TRPV4: variants seen among roughly 807,000 people sequenced by gnomAD.
The protein encoded by TRPV4 is OSM9-like transient receptor potential channel 4.
In TRPV4, 58 loss-of-function variants were observed where a neutral mutation model predicts 84.1. The ratio of observed to expected loss-of-function variants is 0.69; its 90% CI spans 0.56 to 0.86. The LOEUF (loss-of-function observed/expected upper bound fraction) is 0.86, where lower values mean the gene tolerates loss of function less well. Ranked by LOEUF, TRPV4 falls within the 40% of genes least tolerant of loss-of-function variation. The probability of loss-of-function intolerance (pLI) is 0.00; values close to 1 mark genes in which losing one functional copy is unlikely to be tolerated. For missense variants in TRPV4, 879 were observed against 1,181.1 expected (o/e 0.74, Z 3.75); for synonymous variants, 489 against 500.9 (o/e 0.98, Z 0.32).
intron 2 of TRPV4, among the ~76,000 whole-genome samples, chr12:109,812,980 AATGG>A (rs761607096): frequency 1.2e-4 from 19 of 152,162 alleles, no homozygotes; most frequent in African/African-American, 2.9e-4. Flanking sequence ...TAGATGGATA[AATGG>A]ATGGATGGAT....
intron 1 of TRPV4, among the ~76,000 whole-genome samples, chr12:109,824,892 C>T (rs537185540): frequency 2.6e-4 from 39 of 152,292 alleles, no homozygotes; most frequent in African/African-American, 9.1e-4. Flanking sequence ...ATCTCATCTG[C>T]CACTCACTGG....
At chr12:109,823,428 C>A (rs1035705646) in intron 1 of TRPV4, among the ~76,000 whole-genome samples, 23 of 152,220 alleles carry the variant, frequency 1.5e-4, no homozygotes, top group African/African-American at 5.3e-4. Context: ...GGCCGGCTGA[C>A]AGCACACACA....
chr12:109,831,762 G>C (rs1892415798), intron 1 of TRPV4, among the ~76,000 whole-genome samples: 1 of 152,280 alleles, frequency 6.6e-6, no homozygotes, highest in South Asian at 2.1e-4. Flanking sequence ...TTTTTGTTCA[G>C]GCAACCATTC....
At chr12:109,809,913 A>G (rs1457364280) in intron 2 of TRPV4, among the ~76,000 whole-genome samples, 1 of 152,252 alleles carries the variant, frequency 6.6e-6, no homozygotes, top group Non-Finnish European at 1.5e-5. Context: ...ATGGCCCACC[A>G]CACGGTAAAC....
chr12:109,793,662 A>G lies in TRPV4; in HGVS notation c.1585-62T>C. On this transcript the variant is annotated intron_variant, in intron 9 of 15. Transcript: ENST00000261740. The surrounding 1 kb of genome is among the most constrained non-coding windows in gnomAD (Gnocchi z 4.0). Reference sequence around the variant, plus strand: ...CCAGCAGGAGAGGAGAGGAGGAGAGAGGAGACAGAGAAAGGGATAGAAGAG... The same window carrying G: ...CCAGCAGGAGAGGAGAGGAGGAGAGGGGAGACAGAGAAAGGGATAGAAGAG... The G allele has an allele frequency of 1.5e-6, 2 of 1,372,922 alleles. No homozygotes were observed. The highest frequency in any genetic ancestry group is 2.3e-5 in the South Asian group (2 of 86,048). The allele number at this position is 1,372,922 out of a possible 1,614,324, so 85.0% of individuals were successfully genotyped here.
intron 12 of TRPV4, among the ~76,000 whole-genome samples, chr12:109,790,129 T>G (rs2136451396): frequency 6.6e-6 from 1 of 152,348 alleles, no homozygotes; most frequent in South Asian, 2.1e-4. Context: ...AGCTGTACCC[T>G]GTCCCTATCT....
chr12:109,786,842 G>C lies in TRPV4; in HGVS notation c.2209-5C>G. ...GTCCAGGATGGTGGTGGCCCACTGCGGGGAGGGAGGGTCAGGAGGGACATC... is the reference window on the plus strand; with the variant it reads ...GTCCAGGATGGTGGTGGCCCACTGCCGGGAGGGAGGGTCAGGAGGGACATC... On this transcript the variant is annotated splice_region_variant and splice_polypyrimidine_tract_variant and intron_variant, in intron 13 of 15. Transcript: ENST00000261740. The surrounding 1 kb of genome is among the most constrained non-coding windows in gnomAD (Gnocchi z 4.5). 6.2e-7 allele frequency: 1 copy of C among 1,613,810 alleles called. No homozygotes were observed. Among genetic ancestry groups the C allele is most frequent in the South Asian group, 1.1e-5 (1 of 91,086 alleles).
chr12:109,801,757 G>A (rs1290113793), intron 4 of TRPV4, among the ~76,000 whole-genome samples: 1 of 152,044 alleles, frequency 6.6e-6, no homozygotes, highest in East Asian at 1.9e-4. Flanking sequence ...TTGAGCCCAG[G>A]AAGTCAAGGC....
intron 2 of TRPV4, among the ~76,000 whole-genome samples, chr12:109,813,107 T>C (rs138346389): frequency 6.6e-6 from 1 of 151,916 alleles, no homozygotes; most frequent in Admixed American, 6.6e-5. Flanking sequence ...TACGTGGATA[T>C]GTAGGTGAAT....
intron 10 of TRPV4, 89 bp from the exon 11 acceptor site, chr12:109,792,906 G>A: frequency 7.0e-7 from 1 of 1,419,680 alleles, no homozygotes; most frequent in Non-Finnish European, 9.8e-7. Context: ...AAGCCCTCCA[G>A]GGTATCAGGA....
Position 109,814,943 on chromosome 12 carries a change from T to A in TRPV4, c.-31-116A>T. 1.9e-6 allele frequency: 2 copies of A among 1,026,340 alleles called. No homozygotes were observed. Among genetic ancestry groups the A allele is most frequent in the Non-Finnish European group, 2.8e-6 (2 of 710,638 alleles). 63.6% of individuals were successfully genotyped at this position (1,026,340 alleles called of 1,614,324 possible). A position where few individuals can be genotyped will look rare whatever the true frequency, so the allele number is the denominator to read the frequency against. On this transcript the variant is annotated intron_variant, in intron 1 of 15. Coordinates refer to ENST00000261740, the MANE Select transcript of TRPV4 (RefSeq NM_021625.5). This position sits in a 1 kb window ranked among gnomAD's most constrained non-coding sequence, Gnocchi z 5.4. The stretch of plus-strand genomic sequence containing the variant: ...GCCAGCTGCTTCAAAGCCACCGTTG[T>A]AATGACAGGGGCACAGGGAGGCCAC...
At position 109,783,895 on chromosome 12, in the gene TRPV4, A is replaced by G. The variant is rs973169529; in HGVS notation, c.2459-117T>C. 40 of 1,266,214 alleles carry G rather than the reference A, an allele frequency of 3.2e-5. No individual in the cohort carries two copies. The highest frequency in any genetic ancestry group is 4.4e-5 in the Non-Finnish European group (40 of 908,256). 78.4% of individuals were successfully genotyped at this position (1,266,214 alleles called of 1,614,324 possible). A position where few individuals can be genotyped will look rare whatever the true frequency, so the allele number is the denominator to read the frequency against. On this transcript the variant is annotated intron_variant, in intron 15 of 15. Coordinates refer to ENST00000261740, the MANE Select transcript of TRPV4 (RefSeq NM_021625.5). This position sits in a 1 kb window ranked among gnomAD's most constrained non-coding sequence, Gnocchi z 4.6. ...AGTGTTCTGAAGGGGGGATGTGACT[A>G]TGCTCATTTTACAGAGGTGGAAACT...
chr12:109,791,031 A>G (rs918140162), intron 12 of TRPV4, among the ~76,000 whole-genome samples: 1 of 152,226 alleles, frequency 6.6e-6, no homozygotes, highest in Non-Finnish European at 1.5e-5. Context: ...GCCTGTAGGG[A>G]TCAGCCAAAC....
In TRPV4 at chr12:109,814,300, G is replaced by T; in HGVS notation, c.386+111C>A. On this transcript the variant is annotated intron_variant, in intron 2 of 15. Coordinates refer to ENST00000261740, the MANE Select transcript of TRPV4 (RefSeq NM_021625.5). This position sits in a 1 kb window ranked among gnomAD's most constrained non-coding sequence, Gnocchi z 5.4. ...GTATGGATGGTTGGATGGACAGATG[G>T]ATGGATGGATGAATCGACGGATGGG... is the stretch of plus-strand genomic sequence containing the variant. 8.1e-7 allele frequency: 1 copy of T among 1,240,910 alleles called. No homozygotes were observed. Among genetic ancestry groups the T allele is most frequent in the Non-Finnish European group, 1.1e-6 (1 of 872,416 alleles). 76.9% of individuals were successfully genotyped at this position (1,240,910 alleles called of 1,614,324 possible). A position where few individuals can be genotyped will look rare whatever the true frequency, so the allele number is the denominator to read the frequency against.
In TRPV4 at chr12:109,784,312, T is replaced by G. The variant is rs2136416943; in HGVS notation, c.2458+4A>C. On this transcript the variant is annotated splice_donor_region_variant and intron_variant, in intron 15 of 15. Transcript: ENST00000261740. ...CTCCCCTCCGCACCCGCCCCTCCAC[T>G]CACCCCTGCGGAGGCGGCCCACGGT... is the stretch of plus-strand genomic sequence containing the variant. 1.2e-6 allele frequency: 2 copies of G among 1,614,088 alleles called. No individual in the cohort carries two copies. Among genetic ancestry groups the G allele is most frequent in the Non-Finnish European group, 1.7e-6 (2 of 1,179,986 alleles).
In TRPV4 at chr12:109,798,313, C is replaced by G. The variant is rs972714165; in HGVS notation, c.1152+301G>C. Among the ~76,000 whole-genome samples the G allele has an allele frequency of 6.6e-6, 1 of 152,176 alleles. No homozygotes were observed. The highest frequency in any genetic ancestry group is 2.4e-5 in the African/African-American group (1 of 41,432). ...TTCAACAGGTTTGAGGCTGGGAGCA[C>G]CGCTGGGCTAGGGCCCGGGGACTCA... On this transcript the variant is annotated intron_variant, in intron 6 of 15. Coordinates refer to ENST00000261740, the MANE Select transcript of TRPV4 (RefSeq NM_021625.5). The surrounding 1 kb of genome is among the most constrained non-coding windows in gnomAD (Gnocchi z 5.0).
At position 109,793,386 on chromosome 12, in the gene TRPV4, T is replaced by C; in HGVS notation, c.1658+141A>G. On this transcript the variant is annotated intron_variant, in intron 10 of 15. Transcript: ENST00000261740. The surrounding 1 kb of genome is among the most constrained non-coding windows in gnomAD (Gnocchi z 4.0). ...CAGAAGACCCTATTGTTTGTGGCTT[T>C]GTCCTGACTTTGGGTTAGAGCTGCC... The C allele has an allele frequency of 2.6e-6, 2 of 769,596 alleles. No homozygotes were observed. The highest frequency in any genetic ancestry group is 4.7e-6 in the Non-Finnish European group (2 of 423,756). 47.7% of individuals were successfully genotyped at this position (769,596 alleles called of 1,614,324 possible). A position where few individuals can be genotyped will look rare whatever the true frequency, so the allele number is the denominator to read the frequency against.
intron 1 of TRPV4, among the ~76,000 whole-genome samples, chr12:109,830,602 A>G (rs1892383941): frequency 6.6e-6 from 1 of 152,182 alleles, no homozygotes. Flanking sequence ...AATAAATGTT[A>G]TCTTGGCTCC....
chr12:109,832,688 A>C (rs1892444630), intron 1 of TRPV4: 1 of 153,222 alleles, frequency 6.5e-6, no homozygotes, highest in African/African-American at 2.4e-5. Context: ...GACAGAGGGA[A>C]CAGCTGGGGC....
Sources: gnomAD v4.1 joint callset for allele counts (sites outside exome capture counted in the v4.1 genomes callset) on GRCh38, gnomAD v4.1.1 for gene constraint, Gnocchi (gnomAD v3.1) non-coding constraint, MANE v1.5 for transcripts, NCBI Gene and HGNC (gene_info 2026-07-23, HGNC 2026-07-21) for gene names.